CSMD1: variants seen among roughly 807,000 people sequenced by gnomAD.
The protein encoded by CSMD1 is CUB and Sushi multiple domains 1.
A neutral mutation model predicts 417.5 loss-of-function variants in CSMD1; 213 were observed. The observed-to-expected ratio is 0.51, with a 90% CI of 0.46 to 0.57. The LOEUF (loss-of-function observed/expected upper bound fraction) is 0.57, where lower values mean the gene tolerates loss of function less well. CSMD1 is among the 20% of genes least tolerant of loss of function. The pLI, the probability that CSMD1 is intolerant of heterozygous loss-of-function variation, is 0.00. For missense variants in CSMD1, 6,923 were observed against 4,529.7 expected (o/e 1.53, Z -15.17); for synonymous variants, 2,862 against 1,736.8 (o/e 1.65, Z -16.11).
chr8:4,586,937 G>T (rs1480271545), intron 2 of CSMD1, among the ~76,000 whole-genome samples: 1 of 152,140 alleles, frequency 6.6e-6, no homozygotes. Flanking sequence ...GAACTTGCAT[G>T]CATGAATCTG....
chr8:3,396,295 G>C lies in CSMD1; in HGVS notation c.2492C>G (p.Thr831Ser), dbSNP rs757333487. Residue 831 changes from threonine to serine, a missense_variant, in exon 17 of 70, where the codon ACC (threonine) becomes AGC (serine). Physicochemically the swap from Thr to Ser is moderately conservative, Grantham distance 58 (BLOSUM62 1). Coordinates refer to ENST00000635120, the MANE Select transcript of CSMD1 (RefSeq NM_033225.6). ...SSPLIGEYHG[T>S]QAPQFLISTG... ...GCTGATGAGGAACTGGGGTGCCTGG[G>C]TGCCGTGGTACTCGCCGATCAGTGG... 6.9e-6 allele frequency: 11 copies of C among 1,604,658 alleles called. No individual in the cohort carries two copies. Among genetic ancestry groups the C allele is most frequent in the Non-Finnish European group, 9.4e-6 (11 of 1,175,616 alleles).
intron 2 of CSMD1, among the ~76,000 whole-genome samples, chr8:4,515,938 C>A (rs995378350): frequency 6.6e-6 from 1 of 152,124 alleles, no homozygotes; most frequent in African/African-American, 2.4e-5. Flanking sequence ...CCATTTAGAG[C>A]CTGCCTGCTT....
chr8:3,890,435 T>G (rs577813502), intron 5 of CSMD1, among the ~76,000 whole-genome samples: 2 of 152,012 alleles, frequency 1.3e-5, no homozygotes, highest in East Asian at 3.9e-4. Context: ...AAGCTCGCAG[T>G]GTCTTGGAGG....
Position 4,994,388 on chromosome 8 carries a change from A to AGC in CSMD1, c.27_28dup (p.Leu10ArgfsTer27). Reference sequence around the variant, plus strand: ...CACCAGCAGCCCGAGAAGCAGGAGCAGCGACTGGAATCTCCTCCACGCAGT... The same window carrying AGC: ...CACCAGCAGCCCGAGAAGCAGGAGCAGCGCGACTGGAATCTCCTCCACGCAGT... On this transcript the variant is annotated frameshift_variant, in exon 1 of 70. Transcript: ENST00000635120. LOFTEE classifies it high-confidence loss of function. 6.2e-7 allele frequency: 1 copy of AGC among 1,612,396 alleles called. No homozygotes were observed. The highest frequency in any genetic ancestry group is 8.5e-7 in the Non-Finnish European group (1 of 1,179,832).
At chr8:3,244,332 A>C (rs1247488976) in intron 26 of CSMD1, among the ~76,000 whole-genome samples, 3 of 152,142 alleles carry the variant, frequency 2.0e-5, no homozygotes, top group Non-Finnish European at 4.4e-5. Context: ...GGAATCAGGC[A>C]GTCACTCCGG....
rs563331476 is a variant in CSMD1 at position 3,333,384 on chromosome 8, A to T, written c.3631+9910T>A. Among the ~76,000 whole-genome samples, 5 of 121,558 alleles carry T rather than the reference A, an allele frequency of 4.1e-5. No homozygotes were observed. In the East Asian group the frequency reaches 1.0e-3, roughly 25 times the overall value. 79.7% of individuals were successfully genotyped at this position (121,558 alleles called of 152,430 possible). A position where few individuals can be genotyped will look rare whatever the true frequency, so the allele number is the denominator to read the frequency against. On this transcript the variant is annotated intron_variant, in intron 23 of 69. Transcript: ENST00000635120. The stretch of plus-strand genomic sequence containing the variant: ...CTGCCTATTATTTGAAAACACTTTA[A>T]AACACTTTATAAAATTATCTACAAG...
At position 3,833,876 on chromosome 8, in the gene CSMD1, G is replaced by C. The variant is rs927976418; in HGVS notation, c.819-79834C>G. ...CTCCCAAACTTTGATTTGAAGTGTA[G>C]TTGTAAACACCAAGTCTATAATCCT... On this transcript the variant is annotated intron_variant, in intron 5 of 69. Coordinates refer to ENST00000635120, the MANE Select transcript of CSMD1 (RefSeq NM_033225.6). Among the ~76,000 whole-genome samples, 9 of 152,134 alleles carry C rather than the reference G, an allele frequency of 5.9e-5. No homozygotes were observed. In the South Asian group the frequency reaches 8.3e-4, roughly 14 times the overall value.
At chr8:3,675,662 C>G (rs1221316325) in intron 7 of CSMD1, among the ~76,000 whole-genome samples, 1 of 152,152 alleles carries the variant, frequency 6.6e-6, no homozygotes, top group East Asian at 1.9e-4. Flanking sequence ...CTCAAGGACA[C>G]AATTAGAAGA....
At chr8:3,599,763 G>T (rs151255798) in intron 8 of CSMD1, among the ~76,000 whole-genome samples, 2 of 152,098 alleles carry the variant, frequency 1.3e-5, no homozygotes, top group African/African-American at 2.4e-5. Flanking sequence ...TCACCAGGTG[G>T]TCCTTCCCGC....
chr8:4,768,015 G>C (rs1033466926), intron 1 of CSMD1, among the ~76,000 whole-genome samples: 1 of 152,114 alleles, frequency 6.6e-6, no homozygotes, highest in Non-Finnish European at 1.5e-5. Context: ...TCACATTTAC[G>C]TTCAACAGAC....
At chr8:4,260,082 T>C (rs1201202612) in intron 3 of CSMD1, among the ~76,000 whole-genome samples, 4 of 151,958 alleles carry the variant, frequency 2.6e-5, no homozygotes, top group African/African-American at 7.3e-5. Flanking sequence ...ATCACAAACA[T>C]CCATTTTACT....
At chr8:4,653,626 G>C (rs183852210) in intron 1 of CSMD1, among the ~76,000 whole-genome samples, 1 of 152,220 alleles carries the variant, frequency 6.6e-6, no homozygotes, top group Non-Finnish European at 1.5e-5. Flanking sequence ...GTGACAGAGA[G>C]TCAACTGCAG....
At chr8:2,985,453 G>C (rs1805811848) in intron 54 of CSMD1, among the ~76,000 whole-genome samples, 1 of 152,074 alleles carries the variant, frequency 6.6e-6, no homozygotes, top group Admixed American at 6.6e-5. Context: ...TTCACCACGT[G>C]AGGGAGGAGA....
chr8:3,949,959 C>G (rs574805016), intron 5 of CSMD1: 1 of 455,976 alleles, frequency 2.2e-6, no homozygotes, highest in Non-Finnish European at 4.4e-6. Flanking sequence ...TTCATGCCAG[C>G]AGAGCGACGT....
chr8:3,104,450 G>A (rs189958232), intron 46 of CSMD1, among the ~76,000 whole-genome samples: 35 of 152,152 alleles, frequency 2.3e-4, no homozygotes, highest in Non-Finnish European at 4.7e-4. Context: ...TTAAACAGAC[G>A]AGCAGGCCAA....
chr8:4,806,286 C>T lies in CSMD1; in HGVS notation c.86-168728G>A, dbSNP rs748288815. ...ATGCTCGGAGACCTGACCCAAGTCC[C>T]GCTACACCCTAGGAAGGTGGCCTAG... On this transcript the variant is annotated intron_variant, in intron 1 of 69. Transcript: ENST00000635120. Among the ~76,000 whole-genome samples, 8 of 152,110 alleles carry T rather than the reference C, an allele frequency of 5.3e-5. No homozygotes were observed. In the East Asian group the frequency reaches 9.6e-4, roughly 18 times the overall value.
intron 41 of CSMD1, chr8:3,129,044 G>A: frequency 1.6e-5 from 5 of 309,190 alleles, no homozygotes; most frequent in South Asian, 1.4e-4. Flanking sequence ...ACCTAGGAGA[G>A]GACTTATGCT....
chr8:2,975,468 C>T lies in CSMD1; in HGVS notation c.8567-844G>A, dbSNP rs573281741. Among the ~76,000 whole-genome samples, 5 of 152,120 alleles carry T rather than the reference C, an allele frequency of 3.3e-5. No individual in the cohort carries two copies. In the South Asian group the frequency reaches 1.0e-3, roughly 32 times the overall value. ...ATCCTAGAGTAATTCCATTTGGTAA[C>T]GAGACACCCAGAAGGGTTATCAACC... On this transcript the variant is annotated intron_variant, in intron 55 of 69. Coordinates refer to ENST00000635120, the MANE Select transcript of CSMD1 (RefSeq NM_033225.6).
intron 33 of CSMD1, among the ~76,000 whole-genome samples, chr8:3,194,217 A>T (rs956937311): frequency 6.6e-6 from 1 of 152,132 alleles, no homozygotes; most frequent in East Asian, 1.9e-4. Context: ...TGGAAAACCA[A>T]CTAAGCCATA....
Sources: allele counts gnomAD v4.1 joint callset (sites outside exome capture counted in the v4.1 genomes callset), GRCh38; gene constraint gnomAD v4.1.1; transcripts MANE v1.5; gene names NCBI Gene and HGNC (gene_info 2026-07-23, HGNC 2026-07-21).